PITPNC1: variants seen among roughly 807,000 people sequenced by gnomAD.
PITPNC1 encodes the protein phosphatidylinositol transfer protein cytoplasmic 1.
A neutral mutation model predicts 44.7 loss-of-function variants in PITPNC1; 18 were observed. That is an observed-to-expected ratio of 0.40 (90% CI 0.28 to 0.60). The LOEUF (loss-of-function observed/expected upper bound fraction) is 0.60, where lower values mean the gene tolerates loss of function less well. Among genes scored for constraint, PITPNC1 ranks in the 20% least tolerant of loss-of-function variants. The pLI is 0.39. For synonymous variants in PITPNC1, 141 were observed against 149.6 expected (o/e 0.94, Z 0.42); for missense variants, 290 against 418.4 (o/e 0.69, Z 2.68).
At chr17:67,680,258 C>A (rs2144431434) in intron 8 of PITPNC1, among the ~76,000 whole-genome samples, 1 of 152,172 alleles carries the variant, frequency 6.6e-6, no homozygotes, top group South Asian at 2.1e-4. Context: ...AACCTGTGAA[C>A]CCTTCCCCTG....
At chr17:67,461,478 A>T (rs532169683) in intron 1 of PITPNC1, among the ~76,000 whole-genome samples, 11 of 152,186 alleles carry the variant, frequency 7.2e-5, no homozygotes, top group African/African-American at 2.7e-4. Flanking sequence ...TACATATCAC[A>T]CAGGATGTGT....
At chr17:67,390,414 C>A (rs2038121150) in intron 1 of PITPNC1, among the ~76,000 whole-genome samples, 1 of 152,146 alleles carries the variant, frequency 6.6e-6, no homozygotes, top group African/African-American at 2.4e-5. Flanking sequence ...GAAGAACCAG[C>A]TTCCAAAGGA....
At chr17:67,588,283 C>T (rs2041348609) in intron 5 of PITPNC1, among the ~76,000 whole-genome samples, 1 of 152,174 alleles carries the variant, frequency 6.6e-6, no homozygotes, top group African/African-American at 2.4e-5. Context: ...GGATTACAGG[C>T]GTGAGCCACC....
intron 7 of PITPNC1, among the ~76,000 whole-genome samples, chr17:67,671,708 A>T (rs750367116): frequency 4.6e-5 from 7 of 152,112 alleles, no homozygotes; most frequent in Non-Finnish European, 7.4e-5. Flanking sequence ...GCCAGAATGA[A>T]ATGTGATACG....
intron 5 of PITPNC1, among the ~76,000 whole-genome samples, chr17:67,615,829 C>T (rs939948190): frequency 3.9e-5 from 6 of 152,122 alleles, no homozygotes; most frequent in African/African-American, 1.4e-4. Flanking sequence ...GATCATACTT[C>T]GGGGAAACCG....
At chr17:67,573,431 A>G (rs1330972769) in intron 4 of PITPNC1, among the ~76,000 whole-genome samples, 1 of 152,128 alleles carries the variant, frequency 6.6e-6, no homozygotes, top group Non-Finnish European at 1.5e-5. Flanking sequence ...GGAGTTGCTC[A>G]GTCATATTGC....
At chr17:67,456,633 G>GT (rs1242486329) in intron 1 of PITPNC1, among the ~76,000 whole-genome samples, 1 of 151,350 alleles carries the variant, frequency 6.6e-6, no homozygotes, top group Non-Finnish European at 1.5e-5. Flanking sequence ...CCCCCACCCA[G>GT]TTTTTTTCTT....
chr17:67,565,934 T>A (rs1385269512), intron 4 of PITPNC1, among the ~76,000 whole-genome samples: 1 of 152,198 alleles, frequency 6.6e-6, no homozygotes, highest in Non-Finnish European at 1.5e-5. Flanking sequence ...TGTTTTTCGA[T>A]GTGTATACTA....
At chr17:67,399,127 G>A (rs1001145906) in intron 1 of PITPNC1, among the ~76,000 whole-genome samples, 1 of 147,672 alleles carries the variant, frequency 6.8e-6, no homozygotes, top group Non-Finnish European at 1.5e-5. Flanking sequence ...CGATTCTCCT[G>A]CCTCAGCCTC....
At chr17:67,549,196 G>A (rs1293610475) in intron 2 of PITPNC1, among the ~76,000 whole-genome samples, 1 of 152,170 alleles carries the variant, frequency 6.6e-6, no homozygotes, top group Admixed American at 6.5e-5. Flanking sequence ...GTTCATGCCA[G>A]TAATCCCAGC....
intron 1 of PITPNC1, among the ~76,000 whole-genome samples, chr17:67,484,200 G>C (rs555820413): frequency 6.6e-6 from 1 of 152,184 alleles, no homozygotes; most frequent in African/African-American, 2.4e-5. Flanking sequence ...TTACAGGGGC[G>C]AGCCTCCACA....
chr17:67,469,649 C>T (rs975122836), intron 1 of PITPNC1, among the ~76,000 whole-genome samples: 5 of 152,126 alleles, frequency 3.3e-5, no homozygotes, highest in African/African-American at 1.2e-4. Flanking sequence ...GCTACTCCAC[C>T]TCTCTGGGTC....
chr17:67,467,144 C>G (rs1334284215), intron 1 of PITPNC1, among the ~76,000 whole-genome samples: 1 of 137,638 alleles, frequency 7.3e-6, no homozygotes, highest in Non-Finnish European at 1.5e-5. Flanking sequence ...CTCTCAGGTT[C>G]AAGTGATTCT....
At chr17:67,381,381 G>A (rs2037957044) in intron 1 of PITPNC1, among the ~76,000 whole-genome samples, 1 of 150,434 alleles carries the variant, frequency 6.6e-6, no homozygotes, top group Non-Finnish European at 1.5e-5. Context: ...ACTGCGCCCG[G>A]CCTGGGAGCC....
intron 4 of PITPNC1, among the ~76,000 whole-genome samples, chr17:67,568,343 G>A (rs2041008840): frequency 6.6e-6 from 1 of 152,166 alleles, no homozygotes; most frequent in Non-Finnish European, 1.5e-5. Flanking sequence ...GGTGCTGCAG[G>A]TAGGCGGGAA....
At chr17:67,425,192 C>CGT (rs2038734177) in intron 1 of PITPNC1, among the ~76,000 whole-genome samples, 3 of 40,894 alleles carry the variant, frequency 7.3e-5, no homozygotes, top group East Asian at 3.1e-4. Flanking sequence ...GTTGTGCGCG[C>CGT]GCACGCACAC....
chr17:67,643,745 C>T (rs773309761), intron 6 of PITPNC1, among the ~76,000 whole-genome samples: 4 of 152,174 alleles, frequency 2.6e-5, no homozygotes, highest in Non-Finnish European at 4.4e-5. Flanking sequence ...AGTGAGATGA[C>T]GTCAAAGGCA....
At chr17:67,473,998 G>A (rs770577238) in intron 1 of PITPNC1, among the ~76,000 whole-genome samples, 11 of 152,204 alleles carry the variant, frequency 7.2e-5, no homozygotes, top group Non-Finnish European at 1.2e-4. Flanking sequence ...GGACTCACAA[G>A]TACTTATTTT....
intron 5 of PITPNC1, among the ~76,000 whole-genome samples, chr17:67,631,672 A>AT (rs1247972983): frequency 0.041 from 2,001 of 48,752 alleles, 229 homozygotes; most frequent in East Asian, 0.08. Context: ...ATATATATAT[A>AT]AAATATATAT....
Sources: allele counts gnomAD v4.1 joint callset (sites outside exome capture counted in the v4.1 genomes callset), GRCh38; gene constraint gnomAD v4.1.1; transcripts MANE v1.5; gene names NCBI Gene and HGNC (gene_info 2026-07-23, HGNC 2026-07-21).